CSMD1: variants seen among roughly 807,000 people sequenced by gnomAD.
CSMD1 encodes CUB and Sushi multiple domains 1, also known as CUB and sushi domain-containing protein 1.
In CSMD1, 213 loss-of-function variants were observed where a neutral mutation model predicts 417.5. The observed-to-expected ratio is 0.51, with a 90% CI of 0.46 to 0.57. The LOEUF (loss-of-function observed/expected upper bound fraction) is 0.57. Ranked by LOEUF, CSMD1 falls within the 20% of genes least tolerant of loss-of-function variation. CSMD1 has a pLI of 0.00. For missense variants in CSMD1, 6,923 were observed against 4,529.7 expected (o/e 1.53, Z -15.17); for synonymous variants, 2,862 against 1,736.8 (o/e 1.65, Z -16.11).
intron 3 of CSMD1, among the ~76,000 whole-genome samples, chr8:4,092,817 A>C (rs962473776): frequency 3.9e-5 from 6 of 152,140 alleles, no homozygotes; most frequent in Non-Finnish European, 7.4e-5. Flanking sequence ...CAATATTTTT[A>C]ATTTGTTTTG....
intron 7 of CSMD1, among the ~76,000 whole-genome samples, chr8:3,686,363 G>C (rs1563272326): frequency 6.6e-6 from 1 of 152,120 alleles, no homozygotes. Flanking sequence ...CACTTTTCTA[G>C]GATAGGGAGG....
At chr8:3,897,113 G>A (rs931482887) in intron 5 of CSMD1, among the ~76,000 whole-genome samples, 3 of 152,178 alleles carry the variant, frequency 2.0e-5, no homozygotes, top group Admixed American at 1.3e-4. Flanking sequence ...ATTCATGACA[G>A]CACTGAAATC....
intron 5 of CSMD1, among the ~76,000 whole-genome samples, chr8:3,878,236 T>C (rs534901180): frequency 1.3e-5 from 2 of 152,320 alleles, no homozygotes; most frequent in South Asian, 4.1e-4. Context: ...GAAGTCGAGA[T>C]GATAATTTCT....
chr8:4,445,090 T>C (rs1585086504), intron 2 of CSMD1, among the ~76,000 whole-genome samples: 1 of 152,342 alleles, frequency 6.6e-6, no homozygotes, highest in South Asian at 2.1e-4. Context: ...AACATGTTAC[T>C]TCTCTGAACA....
rs1818561506 is a variant in CSMD1, at chr8:3,142,462, T to C, written c.6241+3A>G. ...GGTTTCGGTTCTCGTTGTTGTTCCA[T>C]ACCTTGGTAAGCAAGTTTAAATCCT... On this transcript the variant is annotated splice_donor_region_variant and intron_variant, in intron 41 of 69. Coordinates refer to ENST00000635120, the MANE Select transcript of CSMD1 (RefSeq NM_033225.6). The C allele has an allele frequency of 6.2e-7, 1 of 1,611,798 alleles. No individual in the cohort carries two copies. The highest frequency in any genetic ancestry group is 8.5e-7 in the Non-Finnish European group (1 of 1,178,540).
intron 49 of CSMD1, among the ~76,000 whole-genome samples, chr8:3,082,310 G>A (rs532018080): frequency 6.6e-6 from 1 of 152,152 alleles, no homozygotes; most frequent in African/African-American, 2.4e-5. Context: ...GTCTCGTCAA[G>A]CAAGGACAAA....
chr8:4,768,433 C>T (rs773570035), intron 1 of CSMD1, among the ~76,000 whole-genome samples: 1 of 152,176 alleles, frequency 6.6e-6, no homozygotes, highest in Non-Finnish European at 1.5e-5. Context: ...CTGTGTTAAA[C>T]GTCAGGGAAA....
At chr8:3,815,022 T>G (rs998833028) in intron 5 of CSMD1, among the ~76,000 whole-genome samples, 2 of 152,300 alleles carry the variant, frequency 1.3e-5, no homozygotes, top group East Asian at 3.9e-4. Flanking sequence ...GAGACTAAAC[T>G]AAGCAATGGT....
intron 23 of CSMD1, among the ~76,000 whole-genome samples, chr8:3,336,146 A>C (rs2117570063): frequency 6.9e-6 from 1 of 145,296 alleles, no homozygotes; most frequent in Non-Finnish European, 1.5e-5. Context: ...CTGTTCCCTC[A>C]TACCTAAGGC....
At chr8:3,433,896 G>C in intron 12 of CSMD1, among the ~76,000 whole-genome samples, 1 of 152,198 alleles carries the variant, frequency 6.6e-6, no homozygotes, top group East Asian at 1.9e-4. Context: ...AAGTCAGCTA[G>C]AAAGTTCCCT....
In CSMD1 at chr8:4,181,834, G is replaced by A. The variant is rs138686271; in HGVS notation, c.416-149735C>T. On this transcript the variant is annotated intron_variant, in intron 3 of 69. Transcript: ENST00000635120. ...GCAAATGCAAATGTAATATACATTC[G>A]TACAAATAAAATGATAAATTCTCCT... 2.2e-3 allele frequency among the ~76,000 whole-genome samples: 334 copies of A among 152,134 alleles called. 3 individuals carry two copies. The highest frequency in any genetic ancestry group is 1.3e-3 in the Non-Finnish European group (91 of 68,002).
At chr8:4,272,130 G>A (rs1254388406) in intron 3 of CSMD1, among the ~76,000 whole-genome samples, 1 of 152,054 alleles carries the variant, frequency 6.6e-6, no homozygotes, top group African/African-American at 2.4e-5. Context: ...TGTGTGGCTG[G>A]ACACATGGAG....
At chr8:3,139,570 TAGG>T (rs1327275814) in intron 41 of CSMD1, among the ~76,000 whole-genome samples, 2 of 152,060 alleles carry the variant, frequency 1.3e-5, no homozygotes, top group Non-Finnish European at 2.9e-5. Flanking sequence ...GGTAAATAGA[TAGG>T]AGAAGTGAAA....
intron 5 of CSMD1, among the ~76,000 whole-genome samples, chr8:3,961,875 G>C (rs1812351440): frequency 2.6e-5 from 4 of 152,132 alleles, no homozygotes; most frequent in South Asian, 2.1e-4. Flanking sequence ...TCCTAAAACA[G>C]CGCATCCTGC....
intron 3 of CSMD1, among the ~76,000 whole-genome samples, chr8:4,108,363 C>T (rs1293442778): frequency 6.6e-6 from 1 of 151,986 alleles, no homozygotes; most frequent in Admixed American, 6.6e-5. Context: ...AAGATCTCAC[C>T]CCGGGTATCT....
chr8:4,992,902 A>T (rs566527261), intron 1 of CSMD1, among the ~76,000 whole-genome samples: 1 of 152,134 alleles, frequency 6.6e-6, no homozygotes, highest in South Asian at 2.1e-4. Flanking sequence ...ATTCCCGCAG[A>T]CACCCCCTTG....
chr8:4,606,814 A>C (rs1800893047), intron 2 of CSMD1, among the ~76,000 whole-genome samples: 1 of 152,216 alleles, frequency 6.6e-6, no homozygotes, highest in Admixed American at 6.5e-5. Context: ...CAAATAGAAA[A>C]CTAATTTTAT....
chr8:3,056,821 T>A (rs186873310), intron 49 of CSMD1, among the ~76,000 whole-genome samples: 4 of 152,032 alleles, frequency 2.6e-5, no homozygotes, highest in African/African-American at 7.2e-5. Context: ...ATTTAAGAAT[T>A]TTTTATTAAA....
chr8:3,313,213 A>G (rs138695620), intron 23 of CSMD1, among the ~76,000 whole-genome samples: 166 of 152,262 alleles, frequency 1.1e-3, no homozygotes, highest in Non-Finnish European at 1.5e-3. Context: ...GCATGGGCAA[A>G]GACTTCATGT....
Sources: allele counts gnomAD v4.1 joint callset (sites outside exome capture counted in the v4.1 genomes callset), GRCh38; gene constraint gnomAD v4.1.1; transcripts MANE v1.5; gene names NCBI Gene and HGNC (gene_info 2026-07-23, HGNC 2026-07-21).